THRB: variants seen among roughly 807,000 people sequenced by gnomAD.
THRB encodes thyroid hormone receptor beta.
THRB carries 12 observed loss-of-function variants against 47.8 expected under a neutral mutation model. That is an observed-to-expected ratio of 0.25 (90% CI 0.16 to 0.41). The LOEUF is 0.41. Ranked by LOEUF, THRB falls within the 10% of genes least tolerant of loss-of-function variation. THRB has a pLI of 1.00. For missense variants in THRB, 348 were observed against 589.2 expected, an observed-to-expected ratio of 0.59 and a Z score of 4.24; for synonymous variants, 218 against 212.2, an observed-to-expected ratio of 1.03 and a Z score of -0.24.
chr3:24,395,055 C>T lies in THRB; in HGVS notation c.-260-57684G>A, dbSNP rs76140266. Among the ~76,000 whole-genome samples the T allele has an allele frequency of 2.3e-3, 350 of 152,166 alleles. 13 individuals are homozygous for T. The East Asian group carries it at 0.062, about 27-fold the overall frequency. ...GAGGAGGCTATTTTAAAAACTCACT[C>T]TAGAATATCCACATGCAGAAGAATG... is the stretch of plus-strand genomic sequence containing the variant. On this transcript the variant is annotated intron_variant, in intron 1 of 10. Transcript: ENST00000646209.
At chr3:24,124,958 G>C (rs1242330782) in intron 10 of THRB, among the ~76,000 whole-genome samples, 2 of 152,228 alleles carry the variant, frequency 1.3e-5, no homozygotes, top group African/African-American at 4.8e-5. Context: ...AAGTTGTCCT[G>C]TAGCTGTCAG....
chr3:24,159,104 C>T (rs1285828035), intron 5 of THRB, among the ~76,000 whole-genome samples: 1 of 152,186 alleles, frequency 6.6e-6, no homozygotes, highest in Non-Finnish European at 1.5e-5. Flanking sequence ...ATCCTGAATC[C>T]TTGAGAAAAA....
chr3:24,361,868 T>G (rs1247125696), intron 1 of THRB, among the ~76,000 whole-genome samples: 2 of 152,128 alleles, frequency 1.3e-5, no homozygotes, highest in African/African-American at 2.4e-5. Context: ...TTCTGCCGAT[T>G]TAACTTATGG....
chr3:24,443,495 AAACT>A (rs1218080749), intron 1 of THRB, among the ~76,000 whole-genome samples: 1 of 152,222 alleles, frequency 6.6e-6, no homozygotes, highest in Non-Finnish European at 1.5e-5. Context: ...TTTGATATCA[AAACT>A]AATAAGATAG....
At chr3:24,223,031 G>A (rs1378028770) in intron 4 of THRB, among the ~76,000 whole-genome samples, 1 of 152,184 alleles carries the variant, frequency 6.6e-6, no homozygotes, top group Non-Finnish European at 1.5e-5. Context: ...GGCACTGTGG[G>A]AAGCGGAGCC....
At chr3:24,175,162 G>A (rs2040978762) in intron 5 of THRB, among the ~76,000 whole-genome samples, 1 of 152,166 alleles carries the variant, frequency 6.6e-6, no homozygotes, top group South Asian at 2.1e-4. Flanking sequence ...TCTGCATATT[G>A]AGAAACAATA....
intron 3 of THRB, among the ~76,000 whole-genome samples, chr3:24,274,892 A>G (rs1200655194): frequency 6.6e-6 from 1 of 151,950 alleles, no homozygotes; most frequent in African/African-American, 2.4e-5. Context: ...AGTTTTTTTT[A>G]TGTTGTGTTT....
At chr3:24,434,809 G>A (rs562552421) in intron 1 of THRB, among the ~76,000 whole-genome samples, 1 of 152,272 alleles carries the variant, frequency 6.6e-6, no homozygotes, top group African/African-American at 2.4e-5. Flanking sequence ...AAAAGAAGAA[G>A]TTACTGTGTT....
At chr3:24,481,436 A>C (rs114359126) in intron 1 of THRB, among the ~76,000 whole-genome samples, 365 of 152,066 alleles carry the variant, frequency 2.4e-3, no homozygotes, top group African/African-American at 8.2e-3. Flanking sequence ...TGGTCAAAAC[A>C]TCAGGAAAGT....
chr3:24,172,538 C>T (rs910871462), intron 5 of THRB, among the ~76,000 whole-genome samples: 1 of 152,064 alleles, frequency 6.6e-6, no homozygotes, highest in Admixed American at 6.6e-5. Context: ...TACAGCTCTA[C>T]AAAAGGGCAC....
chr3:24,430,520 A>C (rs1360422724), intron 1 of THRB, among the ~76,000 whole-genome samples: 1 of 152,102 alleles, frequency 6.6e-6, no homozygotes, highest in East Asian at 1.9e-4. Flanking sequence ...TTTTTAAAGA[A>C]TATAAATTTA....
rs187217634 is a variant in THRB, at chr3:24,464,224, C to T, written c.-261+30428G>A. 5.5e-3 allele frequency among the ~76,000 whole-genome samples: 785 copies of T among 143,178 alleles called. 3 individuals are homozygous for T. Among genetic ancestry groups the T allele is most frequent in the African/African-American group, 0.016 (604 of 38,274 alleles). The allele number at this position is 143,178 out of a possible 152,430, so 93.9% of individuals were successfully genotyped here. On this transcript the variant is annotated intron_variant, in intron 1 of 10. Transcript: ENST00000646209. ...TCGCGCCACTGCACTCCAACCTGGGCGACAGTGAGACTCCGTCTCAAAAAA... is the reference window on the plus strand; with the variant it reads ...TCGCGCCACTGCACTCCAACCTGGGTGACAGTGAGACTCCGTCTCAAAAAA...
At chr3:24,358,663 A>G (rs945752409) in intron 1 of THRB, among the ~76,000 whole-genome samples, 1 of 152,062 alleles carries the variant, frequency 6.6e-6, no homozygotes. Flanking sequence ...AATTTGTTGT[A>G]ATTCCCCTTG....
intron 3 of THRB, among the ~76,000 whole-genome samples, chr3:24,244,066 G>A (rs1576261703): frequency 6.6e-6 from 1 of 152,158 alleles, no homozygotes; most frequent in East Asian, 1.9e-4. Context: ...TGGTCAGCTA[G>A]GGCTGGGTGG....
At chr3:24,432,791 G>A (rs548533404) in intron 1 of THRB, among the ~76,000 whole-genome samples, 1 of 151,976 alleles carries the variant, frequency 6.6e-6, no homozygotes, top group East Asian at 1.9e-4. Flanking sequence ...GCTGATTTAA[G>A]GTTTGAAAAT....
At chr3:24,272,807 A>C (rs996831294) in intron 3 of THRB, among the ~76,000 whole-genome samples, 8 of 152,172 alleles carry the variant, frequency 5.3e-5, no homozygotes, top group African/African-American at 1.7e-4. Context: ...TTCCTTTTCA[A>C]ACTTCAAATA....
intron 2 of THRB, among the ~76,000 whole-genome samples, chr3:24,332,553 C>G (rs1445229703): frequency 2.0e-5 from 3 of 152,198 alleles, no homozygotes; most frequent in African/African-American, 7.2e-5. Flanking sequence ...ATAGACCCAT[C>G]TGAGTTAAAG....
At chr3:24,231,367 G>T (rs1428670131) in intron 3 of THRB, among the ~76,000 whole-genome samples, 1 of 151,926 alleles carries the variant, frequency 6.6e-6, no homozygotes, top group Admixed American at 6.6e-5. Context: ...TTGTGTGTGG[G>T]GCGGAAAGTA....
chr3:24,193,639 T>C (rs1260649004), intron 4 of THRB, among the ~76,000 whole-genome samples: 1 of 152,046 alleles, frequency 6.6e-6, no homozygotes, highest in Admixed American at 6.6e-5. Flanking sequence ...AATAAGTATT[T>C]ACTCAGATTG....
Sources: allele counts gnomAD v4.1 joint callset (sites outside exome capture counted in the v4.1 genomes callset), GRCh38; gene constraint gnomAD v4.1.1; transcripts MANE v1.5; gene names NCBI Gene and HGNC (gene_info 2026-07-23, HGNC 2026-07-21).